The following ATP11A variants were observed in gnomAD, a reference collection of about 807,000 sequenced individuals.
ATP11A encodes ATPase phospholipid transporting 11A, also known as phospholipid-transporting ATPase IH.
ATP11A carries 81 observed loss-of-function variants against 154.4 expected under a neutral mutation model. The ratio of observed to expected loss-of-function variants is 0.52; its 90% CI spans 0.44 to 0.63. The LOEUF (loss-of-function observed/expected upper bound fraction) is 0.63, where lower values mean the gene tolerates loss of function less well. ATP11A is among the 30% of genes least tolerant of loss of function. ATP11A has a pLI of 0.00. For missense variants in ATP11A, 1,316 were observed against 1,474.3 expected, an observed-to-expected ratio of 0.89 and a Z score of 1.76; for synonymous variants, 623 against 585.9, an observed-to-expected ratio of 1.06 and a Z score of -0.91.
At chr13:112,735,615 G>C (rs1890917936) in intron 1 of ATP11A, among the ~76,000 whole-genome samples, 1 of 152,192 alleles carries the variant, frequency 6.6e-6, no homozygotes, top group Admixed American at 6.5e-5. Context: ...TCCAGGTTCT[G>C]TTTTGGTTGC....
intron 13 of ATP11A, 121 bp downstream of exon 13, chr13:112,831,669 G>C (rs2079089660): frequency 8.7e-7 from 1 of 1,154,436 alleles, no homozygotes; most frequent in Non-Finnish European, 1.2e-6. Context: ...GACTTCAGTG[G>C]GAGGGATGGT....
At chr13:112,758,671 T>TGC (rs2076898789) in intron 1 of ATP11A, among the ~76,000 whole-genome samples, 1 of 150,040 alleles carries the variant, frequency 6.7e-6, no homozygotes, top group Non-Finnish European at 1.5e-5. Flanking sequence ...GATCCGCCCA[T>TGC]CTCGGCCTCC....
chr13:112,741,439 G>C (rs768723659), intron 1 of ATP11A, among the ~76,000 whole-genome samples: 7 of 152,170 alleles, frequency 4.6e-5, no homozygotes, highest in Non-Finnish European at 8.8e-5. Context: ...GCGGGGCTGT[G>C]GGGCAGATGA....
chr13:112,761,872 G>A (rs536602233), intron 1 of ATP11A, among the ~76,000 whole-genome samples: 6 of 152,272 alleles, frequency 3.9e-5, no homozygotes, highest in South Asian at 2.1e-4. Flanking sequence ...ACACCTGTTC[G>A]GCCAGGTTGC....
rs534363324 is a variant in ATP11A, at chr13:112,847,586, C to T, written c.1810-3451C>T. Reference sequence around the variant, plus strand: ...GATTACGGTACCTGGAGGTTTATTTCTGGGCTCTCTGTTCCATCCCATTTT... The same window carrying T: ...GATTACGGTACCTGGAGGTTTATTTTTGGGCTCTCTGTTCCATCCCATTTT... On this transcript the variant is annotated intron_variant, in intron 17 of 29. Coordinates refer to ENST00000375645, the MANE Select transcript of ATP11A (RefSeq NM_015205.3). Among the ~76,000 whole-genome samples, 3 of 152,330 alleles carry T rather than the reference C, an allele frequency of 2.0e-5. No homozygotes were observed. The East Asian group carries it at 5.8e-4, about 29-fold the overall frequency.
chr13:112,843,365 G>A (rs983225614), intron 17 of ATP11A, among the ~76,000 whole-genome samples: 2 of 152,168 alleles, frequency 1.3e-5, no homozygotes, highest in East Asian at 1.9e-4. Flanking sequence ...TGCTCCCCAC[G>A]TGGCTGCTTT....
chr13:112,859,303 C>T lies in ATP11A; in HGVS notation c.2668-90C>T, dbSNP rs1184461367. The T allele has an allele frequency of 1.5e-5, 15 of 1,020,254 alleles. No homozygotes were observed. The highest frequency in any genetic ancestry group is 3.2e-5 in the African/African-American group (2 of 63,002). The allele number at this position is 1,020,254 out of a possible 1,614,324, so 63.2% of individuals were successfully genotyped here. ...CCGCACGCTGGGTGCACGTGGATCC[C>T]TCCTCCCATGTGGGGTGGGCCACGT... On this transcript the variant is annotated intron_variant, in intron 22 of 29. Transcript: ENST00000375645. The surrounding 1 kb of genome is among the most constrained non-coding windows in gnomAD (Gnocchi z 4.3).
At chr13:112,761,258 G>A (rs1340464137) in intron 1 of ATP11A, among the ~76,000 whole-genome samples, 3 of 152,174 alleles carry the variant, frequency 2.0e-5, no homozygotes, top group Non-Finnish European at 4.4e-5. Context: ...CCTAAGAGAA[G>A]CCAGAAGGTG....
At chr13:112,702,899 G>A (rs1334891584) in intron 1 of ATP11A, among the ~76,000 whole-genome samples, 1 of 152,256 alleles carries the variant, frequency 6.6e-6, no homozygotes, top group East Asian at 1.9e-4. Context: ...TTAACACACA[G>A]GCTTGATGAT....
chr13:112,855,161 C>T (rs927981821), intron 19 of ATP11A, among the ~76,000 whole-genome samples: 1 of 152,188 alleles, frequency 6.6e-6, no homozygotes, highest in Non-Finnish European at 1.5e-5. Context: ...ACCTGATCTG[C>T]AATCTGCAGA....
At chr13:112,780,251 C>G (rs931883723) in intron 1 of ATP11A, among the ~76,000 whole-genome samples, 1 of 152,110 alleles carries the variant, frequency 6.6e-6, no homozygotes, top group African/African-American at 2.4e-5. Context: ...GTGCACCCAC[C>G]ACCACCCTCC....
intron 5 of ATP11A, chr13:112,812,004 G>T (rs951462290): frequency 6.6e-6 from 1 of 152,204 alleles, no homozygotes; most frequent in African/African-American, 2.4e-5. Context: ...TGAAGTCGGG[G>T]TAACTGGGAT....
At chr13:112,691,112 A>G (rs777789361) in intron 1 of ATP11A, among the ~76,000 whole-genome samples, 1 of 152,080 alleles carries the variant, frequency 6.6e-6, no homozygotes, top group Non-Finnish European at 1.5e-5. Flanking sequence ...GGAAGGGGAA[A>G]AGTTGATTTT....
chr13:112,725,851 G>A (rs1000183980), intron 1 of ATP11A, among the ~76,000 whole-genome samples: 5 of 152,204 alleles, frequency 3.3e-5, no homozygotes, highest in African/African-American at 4.8e-5. Context: ...CGATAGAAAT[G>A]GGTGAAGGAG....
chr13:112,781,877 T>C (rs1437442090), intron 1 of ATP11A, among the ~76,000 whole-genome samples: 1 of 151,454 alleles, frequency 6.6e-6, no homozygotes. Flanking sequence ...AAGAGACATG[T>C]ATGTTTCCGA....
chr13:112,842,501 A>C, intron 17 of ATP11A, 122 bp downstream of exon 17: 1 of 830,314 alleles, frequency 1.2e-6, no homozygotes, highest in South Asian at 1.6e-5. Context: ...AATGTTTAGA[A>C]ATCAGCTGGG....
intron 29 of ATP11A, chr13:112,880,584 G>T: frequency 7.7e-7 from 1 of 1,300,832 alleles, no homozygotes; most frequent in Non-Finnish European, 1.0e-6. Context: ...AGGCCGCACA[G>T]AGCAGCGATG....
chr13:112,726,893 T>G lies in ATP11A; in HGVS notation c.39+36438T>G, dbSNP rs1171562894. On this transcript the variant is annotated intron_variant, in intron 1 of 29. Coordinates refer to ENST00000375645, the MANE Select transcript of ATP11A (RefSeq NM_015205.3). ...TAAATAATTGTAAAGACATCTTCCTTGGGACATGGATAATAGGGAAAAATC... is the reference window on the plus strand; with the variant it reads ...TAAATAATTGTAAAGACATCTTCCTGGGGACATGGATAATAGGGAAAAATC... 2.0e-5 allele frequency among the ~76,000 whole-genome samples: 3 copies of G among 152,318 alleles called. No individual in the cohort carries two copies. The East Asian group carries it at 5.8e-4, about 29-fold the overall frequency.
chr13:112,860,222 C>A, intron 23 of ATP11A, 65 bp from the exon 24 acceptor site: 1 of 1,549,784 alleles, frequency 6.5e-7, no homozygotes, highest in South Asian at 1.2e-5. Context: ...TATATTTAAT[C>A]AAAAGATCCA....
Sources: gnomAD v4.1 joint callset for allele counts (sites outside exome capture counted in the v4.1 genomes callset) on GRCh38, gnomAD v4.1.1 for gene constraint, Gnocchi (gnomAD v3.1) non-coding constraint, MANE v1.5 for transcripts, NCBI Gene and HGNC (gene_info 2026-07-23, HGNC 2026-07-21) for gene names.